TNXB: variants seen among roughly 807,000 people sequenced by gnomAD.
TNXB encodes tenascin-X.
A neutral mutation model predicts 340.5 loss-of-function variants in TNXB; 183 were observed. That is an observed-to-expected ratio of 0.54 (90% CI 0.48 to 0.61). TNXB has a LOEUF of 0.61. TNXB is among the 20% of genes least tolerant of loss of function. TNXB has a pLI of 0.00. For synonymous variants in TNXB, 2,121 were observed against 2,314.5 expected (o/e 0.92, Z 2.40); for missense variants, 4,613 against 5,446.4 (o/e 0.85, Z 4.82).
intron 6 of TNXB, among the ~76,000 whole-genome samples, chr6:32,086,369 C>G (rs1779775991): frequency 6.6e-6 from 1 of 152,214 alleles, no homozygotes; most frequent in South Asian, 2.1e-4. Context: ...CTATCCTTCA[C>G]CCCACAAGGC....
chr6:32,075,139 C>G lies in TNXB; in HGVS notation c.4376-1187G>C, dbSNP rs958996295. Among the ~76,000 whole-genome samples the G allele has an allele frequency of 2.6e-5, 4 of 152,240 alleles. No homozygotes were observed. The highest frequency in any genetic ancestry group is 2.0e-4 in the Admixed American group (3 of 15,286). ...CCACCTCCAAGCACCACTGGCTCCTCCTGGATTATCACAACATTCTCTCAG... is the reference window on the plus strand; with the variant it reads ...CCACCTCCAAGCACCACTGGCTCCTGCTGGATTATCACAACATTCTCTCAG... On this transcript the variant is annotated intron_variant, in intron 11 of 43. Coordinates refer to ENST00000644971, the MANE Select transcript of TNXB (RefSeq NM_001365276.2). This position sits in a 1 kb window ranked among gnomAD's most constrained non-coding sequence, Gnocchi z 4.6.
chr6:32,066,574 G>GA (rs899767992), intron 18 of TNXB, among the ~76,000 whole-genome samples: 1 of 152,168 alleles, frequency 6.6e-6, no homozygotes, highest in Non-Finnish European at 1.5e-5. Context: ...AATCTACAGA[G>GA]AAAAAAGTAG....
In TNXB at chr6:32,080,176, G is replaced by A. The variant is rs1779353726; in HGVS notation, c.4043-811C>T. 6.6e-6 allele frequency among the ~76,000 whole-genome samples: 1 copy of A among 151,920 alleles called. No individual in the cohort carries two copies. The highest frequency in any genetic ancestry group is 6.6e-5 in the Admixed American group (1 of 15,218). ...CTCTGAAAATGCTTTGCTGCTCCAAGCACTATTCTAAGTGTGTGGGCTTTT... is the reference window on the plus strand; with the variant it reads ...CTCTGAAAATGCTTTGCTGCTCCAAACACTATTCTAAGTGTGTGGGCTTTT... On this transcript the variant is annotated intron_variant, in intron 10 of 43. Coordinates refer to ENST00000644971, the MANE Select transcript of TNXB (RefSeq NM_001365276.2). This position sits in a 1 kb window ranked among gnomAD's most constrained non-coding sequence, Gnocchi z 4.3.
chr6:32,098,089 G>A lies in TNXB; in HGVS notation c.110C>T (p.Pro37Leu). The change falls in exon 2 of 44, where the codon CCC becomes CTC. Residue 37 changes from proline (P) to leucine (L), a missense_variant. Pro to Leu is a moderately conservative substitution (Grantham distance 98). This residue lies in a region of TNXB where 4,327 missense variants were observed against 4,859.4 expected (regional missense o/e 0.89). Transcript: ENST00000644971. ...SSRSNVTLPAPRPPPQPGGHT... is the reference protein window; with the variant it reads ...SSRSNVTLPALRPPPQPGGHT... Reference sequence around the variant, plus strand: ...GCCCCCTGGCTGGGGAGGGGGCCGGGGGGCTGGCAGTGTCACATTGGACCG... The same window carrying A: ...GCCCCCTGGCTGGGGAGGGGGCCGGAGGGCTGGCAGTGTCACATTGGACCG... The A allele has an allele frequency of 1.2e-6, 2 of 1,604,500 alleles. No homozygotes were observed. The highest frequency in any genetic ancestry group is 1.7e-6 in the Non-Finnish European group (2 of 1,176,186).
rs763294732 is a variant in TNXB, at chr6:32,069,065, A to G, written c.5659T>C (p.Leu1887=). ...TGTGACGTGGCCTCCTCCACTGTCAACTCCCCGAGGTGGGGCTCAGGCGCT... is the reference window on the plus strand; with the variant it reads ...TGTGACGTGGCCTCCTCCACTGTCAGCTCCCCGAGGTGGGGCTCAGGCGCT... The part of the protein sequence containing the change: ...PPAPEPHLGE[L]TVEEATSHTL... The change falls in exon 16 of 44, where the codon TTG becomes CTG. Residue 1887 remains leucine (L), a synonymous_variant. Coordinates refer to ENST00000644971, the MANE Select transcript of TNXB (RefSeq NM_001365276.2). The surrounding 1 kb of genome is among the most constrained non-coding windows in gnomAD (Gnocchi z 6.2). 13 of 1,612,148 alleles carry G rather than the reference A, an allele frequency of 8.1e-6. No homozygotes were observed. Among genetic ancestry groups the G allele is most frequent in the African/African-American group, 5.3e-5 (4 of 74,768 alleles).
rs921588675 is a variant in TNXB, at chr6:32,096,212, T to G, written c.1641A>C (p.Ala547=). The change falls in exon 3 of 44, where the codon GCA becomes GCC. Residue 547 remains alanine (A), a synonymous_variant. Transcript: ENST00000644971. The part of the protein sequence containing the change: ...LCEDGVCVCD[A]GYSGEDCSTR... ...TGCTGCAGTCTTCCCCTGAGTAGCC[T>G]GCGTCACACACGCACACGCCATCCT... The G allele has an allele frequency of 6.4e-7, 1 of 1,566,824 alleles. No individual in the cohort carries two copies. Among genetic ancestry groups the G allele is most frequent in the Non-Finnish European group, 8.6e-7 (1 of 1,159,606 alleles).
Position 32,064,927 on chromosome 6 carries a change from A to C in TNXB, c.6735T>G (p.Asp2245Glu). Residue 2245 changes from aspartate to glutamate, a missense_variant, in exon 19 of 44, where the codon GAT (aspartate) becomes GAG (glutamate). Coordinates refer to ENST00000644971, the MANE Select transcript of TNXB (RefSeq NM_001365276.2). The surrounding 1 kb of genome is among the most constrained non-coding windows in gnomAD (Gnocchi z 5.3). ...PKAVRVPGHE[D>E]GVTISGLEPD... Reference sequence around the variant, plus strand: ...GCTCCAGGCCCGAGATGGTGACCCCATCCTCGTGTCCCGGCACCCGCACCG... The same window carrying C: ...GCTCCAGGCCCGAGATGGTGACCCCCTCCTCGTGTCCCGGCACCCGCACCG... The C allele has an allele frequency of 6.2e-7, 1 of 1,612,846 alleles. No homozygotes were observed. The highest frequency in any genetic ancestry group is 8.5e-7 in the Non-Finnish European group (1 of 1,179,880).
In TNXB at chr6:32,068,575, C is replaced by T. The variant is rs1389080985; in HGVS notation, c.6035G>A (p.Gly2012Glu). The change falls in exon 17 of 44, where the codon GGA (glycine) becomes GAA (glutamate). Residue 2012 changes from glycine (G) to glutamate (E), a missense_variant. By Grantham distance (98) the Gly-to-Glu change is moderately conservative. Transcript: ENST00000644971. This position sits in a 1 kb window ranked among gnomAD's most constrained non-coding sequence, Gnocchi z 5.3. ...SLSLSWTVPE[G>E]QFDHFLVQYR... The stretch of plus-strand genomic sequence containing the variant: ...CTGGACCAGGAAGTGGTCAAACTGT[C>T]CCTCGGGAACTGTCCAGGACAGGCT... 6.2e-7 allele frequency: 1 copy of T among 1,614,024 alleles called. No homozygotes were observed. Among genetic ancestry groups the T allele is most frequent in the South Asian group, 1.1e-5 (1 of 91,088 alleles).
In TNXB at chr6:32,081,246, TG is replaced by T; in HGVS notation, c.4042+121del. On this transcript the variant is annotated intron_variant, in intron 10 of 43. Transcript: ENST00000644971. This position sits in a 1 kb window ranked among gnomAD's most constrained non-coding sequence, Gnocchi z 5.1. ...GGAGAGCAGTGCGGGAGGAAGTGGG[TG>T]GAGGCTTTGGCAAAATGAGCTGAGA... The T allele has an allele frequency of 1.0e-6, 1 of 970,740 alleles. No individual in the cohort carries two copies. The highest frequency in any genetic ancestry group is 1.5e-6 in the Non-Finnish European group (1 of 662,912). 60.1% of individuals were successfully genotyped at this position (970,740 alleles called of 1,614,324 possible).
At position 32,069,912 on chromosome 6, in the gene TNXB, G is replaced by C; in HGVS notation, c.5279-51C>G. The C allele has an allele frequency of 6.6e-7, 1 of 1,520,852 alleles. No homozygotes were observed. The allele number at this position is 1,520,852 out of a possible 1,614,324, so 94.2% of individuals were successfully genotyped here. A position where few individuals can be genotyped will look rare whatever the true frequency, so the allele number is the denominator to read the frequency against. On this transcript the variant is annotated intron_variant, in intron 14 of 43. Transcript: ENST00000644971. The surrounding 1 kb of genome is among the most constrained non-coding windows in gnomAD (Gnocchi z 6.2). The stretch of plus-strand genomic sequence containing the variant: ...CGGCTGAGCTGTTTCTGGAAGACTG[G>C]GTGACCTCGACGGGCAGGATTGAGA...
At position 32,080,824 on chromosome 6, in the gene TNXB, C is replaced by T. The variant is rs961833279; in HGVS notation, c.4042+544G>A. ...GCTGGGCTGAACACAATCCCTTTGCCCTGTTCCAAGGGGGCTGGGAGTCAA... is the reference window on the plus strand; with the variant it reads ...GCTGGGCTGAACACAATCCCTTTGCTCTGTTCCAAGGGGGCTGGGAGTCAA... On this transcript the variant is annotated intron_variant, in intron 10 of 43. Coordinates refer to ENST00000644971, the MANE Select transcript of TNXB (RefSeq NM_001365276.2). This position sits in a 1 kb window ranked among gnomAD's most constrained non-coding sequence, Gnocchi z 4.3. Among the ~76,000 whole-genome samples the T allele has an allele frequency of 6.6e-6, 1 of 152,150 alleles. No individual in the cohort carries two copies. Among genetic ancestry groups the T allele is most frequent in the Non-Finnish European group, 1.5e-5 (1 of 68,026 alleles).
chr6:32,102,067 G>C (rs1298513847), intron 1 of TNXB, among the ~76,000 whole-genome samples: 2 of 152,088 alleles, frequency 1.3e-5, no homozygotes, highest in Non-Finnish European at 2.9e-5. Context: ...TAGTTATCGG[G>C]TAAATGTACG....
rs546687112 is a variant in TNXB, at chr6:32,091,468, G to T, written c.2359-2089C>A. ...TGGCTCTGCCCCTTGGTAAAGCTTG[G>T]CTGCTTCACTGATTTTTTTTTTTTT... is the stretch of plus-strand genomic sequence containing the variant. On this transcript the variant is annotated intron_variant, in intron 4 of 43. Transcript: ENST00000644971. 2.7e-5 allele frequency among the ~76,000 whole-genome samples: 4 copies of T among 150,652 alleles called. No homozygotes were observed. In the South Asian group the frequency reaches 8.4e-4, roughly 32 times the overall value.
Position 32,056,770 on chromosome 6 carries a change from G to T in TNXB, c.7959C>A (p.Gly2653=), listed in dbSNP as rs1457441284. The change falls in exon 23 of 44, where the codon GGC becomes GGA. Residue 2653 remains glycine, a synonymous_variant. Coordinates refer to ENST00000644971, the MANE Select transcript of TNXB (RefSeq NM_001365276.2). The part of the protein sequence containing the change: ...SLSLSWTVPE[G]QFDHFLVQYR... ...ACTGGACCAGGAAGTGGTCAAACTG[G>T]CCCTCGGGAACCGTCCAGGACAGGC... The T allele has an allele frequency of 1.9e-6, 3 of 1,613,242 alleles. No individual in the cohort carries two copies. The highest frequency in any genetic ancestry group is 1.7e-5 in the Admixed American group (1 of 60,014).
intron 1 of TNXB, among the ~76,000 whole-genome samples, chr6:32,104,700 T>C (rs779951845): frequency 1.3e-5 from 2 of 152,108 alleles, no homozygotes; most frequent in Non-Finnish European, 2.9e-5. Context: ...AGTGGTGCGA[T>C]CATAGCTCGC....
Position 32,043,808 on chromosome 6 carries a change from G to T in TNXB, c.11471C>A (p.Thr3824Asn). Residue 3824 changes from threonine (T) to asparagine (N), a missense_variant, in exon 35 of 44, where the codon ACC (threonine) becomes AAC (asparagine). Physicochemically the swap from Thr to Asn is moderately conservative, Grantham distance 65 (BLOSUM62 0). Coordinates refer to ENST00000644971, the MANE Select transcript of TNXB (RefSeq NM_001365276.2). Reference protein sequence around the residue: ...GLIPGARYEVTVVSVRGFEES... With the variant: ...GLIPGARYEVNVVSVRGFEES... ...CTCAAAGCCTCGGACCGAGACCACG[G>T]TCACCTCATAGCGAGCGCCTGGGAT... 1 of 1,613,528 alleles carries T rather than the reference G, an allele frequency of 6.2e-7. No homozygotes were observed. The highest frequency in any genetic ancestry group is 8.5e-7 in the Non-Finnish European group (1 of 1,179,998).
chr6:32,085,789 C>T lies in TNXB; in HGVS notation c.3109G>A (p.Gly1037Ser). Residue 1037 changes from glycine (G) to serine (S), a missense_variant, in exon 7 of 44, where the codon GGC (glycine) becomes AGC (serine). By Grantham distance (56) the Gly-to-Ser change is moderately conservative (BLOSUM62 0). Transcript: ENST00000644971. The surrounding 1 kb of genome is among the most constrained non-coding windows in gnomAD (Gnocchi z 6.4). The part of the protein sequence containing the change: ...ELSLHGVPPG[G>S]KPSDPIIYQG... ...TAGATGATGGGGTCAGAGGGCTTGC[C>T]CCCAGGAGGGACCCCATGAAGTGAC... is the stretch of plus-strand genomic sequence containing the variant. The T allele has an allele frequency of 6.3e-7, 1 of 1,580,936 alleles. No homozygotes were observed. Among genetic ancestry groups the T allele is most frequent in the Non-Finnish European group, 8.6e-7 (1 of 1,163,214 alleles).
At chr6:32,042,423 C>A (rs1194274327) in intron 40 of TNXB, 32 bp downstream of exon 40, 3 of 1,606,754 alleles carry the variant, frequency 1.9e-6, no homozygotes, top group Non-Finnish European at 2.5e-6. Context: ...CCCTGCCCTG[C>A]ACAGACCCCT....
rs924349760 is a variant in TNXB at position 32,081,389 on chromosome 6, C to T, written c.4021G>A (p.Glu1341Lys). ...TCACCAGTCTTGGCCACCACAGACT[C>T]GGGCCCCACACGCTGCCTGCCACGA... ...GLRGRQRVGP[E>K]SVVAKTAPQE... The change falls in exon 10 of 44, where the codon GAG becomes AAG. Residue 1341 changes from glutamate (E) to lysine (K), a missense_variant. Coordinates refer to ENST00000644971, the MANE Select transcript of TNXB (RefSeq NM_001365276.2). This position sits in a 1 kb window ranked among gnomAD's most constrained non-coding sequence, Gnocchi z 5.1. 7 of 1,542,356 alleles carry T rather than the reference C, an allele frequency of 4.5e-6. No homozygotes were observed. The African/African-American group carries it at 5.5e-5, about 12-fold the overall frequency.
Sources: gnomAD v4.1 joint callset for allele counts (sites outside exome capture counted in the v4.1 genomes callset) on GRCh38, gnomAD v4.1.1 for gene constraint, gnomAD v4.1.1 regional missense constraint, Gnocchi (gnomAD v3.1) non-coding constraint, MANE v1.5 for transcripts, NCBI Gene and HGNC (gene_info 2026-07-23, HGNC 2026-07-21) for gene names.